Variants in NCOA2 observed in about 807,000 individuals in gnomAD.
NCOA2 encodes the protein class E basic helix-loop-helix protein 75.
In NCOA2, 21 loss-of-function variants were observed where a neutral mutation model predicts 145.1. That is an observed-to-expected ratio of 0.14 (90% CI 0.10 to 0.21). The LOEUF is 0.21. Ranked by LOEUF, NCOA2 falls within the 10% of genes least tolerant of loss-of-function variation. The pLI is 1.00. For synonymous variants in NCOA2, 619 were observed against 637.5 expected, an observed-to-expected ratio of 0.97 and a Z score of 0.44; for missense variants, 1,472 against 1,837.6, an observed-to-expected ratio of 0.80 and a Z score of 3.64.
At chr8:70,403,935 G>GC, upstream of NCOA2, 1 of 375,188 alleles carries the variant, frequency 2.7e-6, no homozygotes. Flanking sequence ...AGGGGAGGGG[G>GC]CTCGGGAGCC....
the NCOA2 span, among the ~76,000 whole-genome samples, chr8:70,418,978 C>T: frequency 6.6e-6 from 1 of 151,950 alleles, no homozygotes; most frequent in Non-Finnish European, 1.5e-5. Context: ...AAAGTGAGTG[C>T]TCTATTCAGT....
intron 1 of NCOA2, among the ~76,000 whole-genome samples, chr8:70,401,333 G>A (rs1050869518): frequency 6.6e-6 from 1 of 152,136 alleles, no homozygotes; most frequent in African/African-American, 2.4e-5. Context: ...GTACAATTCA[G>A]CAGTGTTTAA....
chr8:70,199,451 CAAA>C (rs1181856736), intron 4 of NCOA2, among the ~76,000 whole-genome samples: 1 of 76,104 alleles, frequency 1.3e-5, no homozygotes, highest in East Asian at 3.6e-4. Flanking sequence ...GACTCCATCT[CAAA>C]AAAAAAAAAA....
chr8:70,354,207 G>C (rs962631537), intron 1 of NCOA2, among the ~76,000 whole-genome samples: 3 of 152,118 alleles, frequency 2.0e-5, no homozygotes, highest in African/African-American at 7.2e-5. Flanking sequence ...TGTTTGAACT[G>C]TTTTTATAAA....
chr8:70,312,892 G>A (rs1233753097), intron 1 of NCOA2, among the ~76,000 whole-genome samples: 1 of 152,150 alleles, frequency 6.6e-6, no homozygotes, highest in Non-Finnish European at 1.5e-5. Context: ...CTCCTTCTTA[G>A]CTAAATCACA....
intron 1 of NCOA2, among the ~76,000 whole-genome samples, chr8:70,376,123 A>C (rs1811644447): frequency 6.6e-6 from 1 of 152,222 alleles, no homozygotes; most frequent in African/African-American, 2.4e-5. Flanking sequence ...AAGAAGACAT[A>C]CATAAAAGTA....
chr8:70,214,178 T>C, intron 3 of NCOA2, 103 bp from the exon 4 acceptor site: 1 of 1,085,224 alleles, frequency 9.2e-7, no homozygotes, highest in East Asian at 2.4e-5. Context: ...AAACAAAAGC[T>C]ACCTATATAA....
chr8:70,355,457 T>C (rs1447235551), intron 1 of NCOA2, among the ~76,000 whole-genome samples: 1 of 152,262 alleles, frequency 6.6e-6, no homozygotes, highest in Non-Finnish European at 1.5e-5. Context: ...GGGTGAGAAC[T>C]ATCCTCAGGG....
chr8:70,327,821 T>C (rs1200838686), intron 1 of NCOA2, among the ~76,000 whole-genome samples: 1 of 152,154 alleles, frequency 6.6e-6, no homozygotes, highest in Non-Finnish European at 1.5e-5. Context: ...GACAGACAGA[T>C]GGGTTTTTAA....
chr8:70,151,792 T>C (rs888207655), intron 11 of NCOA2, among the ~76,000 whole-genome samples: 1 of 152,210 alleles, frequency 6.6e-6, no homozygotes, highest in Non-Finnish European at 1.5e-5. Context: ...ACATTTAACA[T>C]TAATTGTCGT....
intron 1 of NCOA2, among the ~76,000 whole-genome samples, chr8:70,348,142 T>C (rs1808850230): frequency 6.6e-6 from 1 of 152,106 alleles, no homozygotes; most frequent in East Asian, 1.9e-4. Flanking sequence ...CTAAAAAGCA[T>C]AAAGAAAAGT....
chr8:70,382,750 C>T (rs368153209), intron 1 of NCOA2, among the ~76,000 whole-genome samples: 1 of 152,178 alleles, frequency 6.6e-6, no homozygotes, highest in Non-Finnish European at 1.5e-5. Context: ...TGCTTGCACG[C>T]GTTCCAGAAG....
chr8:70,391,501 T>C (rs1025945587), intron 1 of NCOA2, among the ~76,000 whole-genome samples: 1 of 152,208 alleles, frequency 6.6e-6, no homozygotes, highest in African/African-American at 2.4e-5. Flanking sequence ...GAACATGCCA[T>C]GAAAAGGTCC....
At position 70,113,570 on chromosome 8, in the gene NCOA2, G is replaced by T; in HGVS notation, c.*62C>A. ...TGAAACAAATAGACACAGCTCTCCA[G>T]ACTGGAAGTGTTTTGAGCAAGTGAG... On this transcript the variant is annotated 3_prime_UTR_variant, in exon 23 of 23. Coordinates refer to ENST00000452400, the MANE Select transcript of NCOA2 (RefSeq NM_006540.4). 1 of 1,533,490 alleles carries T rather than the reference G, an allele frequency of 6.5e-7. No individual in the cohort carries two copies. Among genetic ancestry groups the T allele is most frequent in the Non-Finnish European group, 8.8e-7 (1 of 1,130,604 alleles). The allele number at this position is 1,533,490 out of a possible 1,614,324, so 95.0% of individuals were successfully genotyped here. A position where few individuals can be genotyped will look rare whatever the true frequency, so the allele number is the denominator to read the frequency against.
chr8:70,218,200 T>G (rs1330794790), intron 2 of NCOA2, among the ~76,000 whole-genome samples: 2 of 5,918 alleles, frequency 3.4e-4, no homozygotes, highest in African/African-American at 8.7e-4. Context: ...GTGGAGTTAG[T>G]TTTTTTTTTT....
chr8:70,138,598 T>C (rs1163528080), intron 14 of NCOA2, among the ~76,000 whole-genome samples: 1 of 152,246 alleles, frequency 6.6e-6, no homozygotes, highest in Non-Finnish European at 1.5e-5. Context: ...TTTATTCATG[T>C]GCGTTATATC....
intron 1 of NCOA2, among the ~76,000 whole-genome samples, chr8:70,372,831 C>T (rs551953590): frequency 6.6e-6 from 1 of 152,296 alleles, no homozygotes; most frequent in South Asian, 2.1e-4. Context: ...CTACAGCTTA[C>T]TTTGTCCCTG....
chr8:70,171,425 A>T (rs1465185166), intron 5 of NCOA2, among the ~76,000 whole-genome samples: 4 of 152,086 alleles, frequency 2.6e-5, no homozygotes, highest in Non-Finnish European at 5.9e-5. Context: ...ACAGTCCTCT[A>T]CTCTAATATT....
In NCOA2 at chr8:70,170,153, G is replaced by A. The variant is rs138994280; in HGVS notation, c.541+49C>T. 4.2e-4 allele frequency: 644 copies of A among 1,547,492 alleles called. 2 individuals carry two copies. In the Middle Eastern group the frequency reaches 4.4e-3, roughly 11 times the overall value. ...CAAGACACTGTGTGTATGAGGCAGGGCAGGTGGGGGTGACGGGAGGTAGGG... is the reference window on the plus strand; with the variant it reads ...CAAGACACTGTGTGTATGAGGCAGGACAGGTGGGGGTGACGGGAGGTAGGG... On this transcript the variant is annotated intron_variant, in intron 6 of 22. Transcript: ENST00000452400.
Sources: gnomAD v4.1 joint callset for allele counts (sites outside exome capture counted in the v4.1 genomes callset) on GRCh38, gnomAD v4.1.1 for gene constraint, MANE v1.5 for transcripts, NCBI Gene and HGNC (gene_info 2026-07-23, HGNC 2026-07-21) for gene names.